FGGY: variants seen among roughly 807,000 people sequenced by gnomAD.
FGGY encodes FGGY carbohydrate kinase domain containing.
In FGGY, 72 loss-of-function variants were observed where a neutral mutation model predicts 71.3. The observed-to-expected ratio is 1.01, with a 90% CI of 0.84 to 1.23. The LOEUF (loss-of-function observed/expected upper bound fraction) is 1.23. FGGY is among the 50% of genes most tolerant of loss of function. The pLI, the probability that FGGY is intolerant of heterozygous loss-of-function variation, is 0.00. For missense variants in FGGY, 668 were observed against 682.3 expected (o/e 0.98, Z 0.23); for synonymous variants, 251 against 250.3 (o/e 1.00, Z -0.02).
chr1:59,692,237 C>G (rs1300967428), intron 14 of FGGY, among the ~76,000 whole-genome samples: 1 of 152,182 alleles, frequency 6.6e-6, no homozygotes, highest in Non-Finnish European at 1.5e-5. Context: ...CTCATTTCAC[C>G]TCTTTGTAAA....
chr1:59,551,283 C>T (rs757165368), intron 7 of FGGY, among the ~76,000 whole-genome samples: 62 of 152,226 alleles, frequency 4.1e-4, no homozygotes, highest in Non-Finnish European at 5.3e-4. Flanking sequence ...CACTAGTTCT[C>T]AGGTTCTAAG....
At chr1:59,424,129 T>C (rs994050555) in intron 5 of FGGY, among the ~76,000 whole-genome samples, 1 of 152,228 alleles carries the variant, frequency 6.6e-6, no homozygotes, top group African/African-American at 2.4e-5. Flanking sequence ...TAATAATCAA[T>C]GCATGAAGAT....
chr1:59,761,056 T>C (rs1416986281), intron 15 of FGGY, among the ~76,000 whole-genome samples: 2 of 152,340 alleles, frequency 1.3e-5, no homozygotes, highest in East Asian at 3.9e-4. Flanking sequence ...TATCACTTAT[T>C]ATGAGTCAGG....
chr1:59,647,657 G>A (rs1393656464), intron 11 of FGGY, among the ~76,000 whole-genome samples: 1 of 150,654 alleles, frequency 6.6e-6, no homozygotes, highest in Non-Finnish European at 1.5e-5. Context: ...TGAGGTCCCT[G>A]TTTCCATGTT....
chr1:59,629,306 T>C (rs2096887414), intron 10 of FGGY, among the ~76,000 whole-genome samples: 1 of 152,158 alleles, frequency 6.6e-6, no homozygotes, highest in African/African-American at 2.4e-5. Flanking sequence ...TCTAATAGGA[T>C]CAGCACACCT....
At chr1:59,480,330 G>A (rs948565982) in intron 6 of FGGY, among the ~76,000 whole-genome samples, 2 of 152,178 alleles carry the variant, frequency 1.3e-5, no homozygotes, top group South Asian at 2.1e-4. Flanking sequence ...TTCTGCACAC[G>A]ACACCCTTCT....
chr1:59,369,466 CT>C lies in FGGY; in HGVS notation c.466-9282del. Among the ~76,000 whole-genome samples the C allele has an allele frequency of 2.0e-5, 3 of 152,348 alleles. No homozygotes were observed. In the East Asian group the frequency reaches 5.8e-4, roughly 29 times the overall value. ...AAGGAGGCCTGCCTGCCTCTGTAGG[CT>C]CCACCTCTGGGGGCAGGGCACAGAC... On this transcript the variant is annotated intron_variant, in intron 4 of 15. Coordinates refer to ENST00000303721, the MANE Select transcript of FGGY (RefSeq NM_018291.5).
rs200737359 is a variant in FGGY at position 59,442,410 on chromosome 1, CTGTT to C, written c.555-14541_555-14538del. ...AAAACCTAATTTTAAGGCCATTTTC[CTGTT>C]TGTTTGTTTTTGTTTTTGTTTTTGT... On this transcript the variant is annotated intron_variant, in intron 5 of 15. Coordinates refer to ENST00000303721, the MANE Select transcript of FGGY (RefSeq NM_018291.5). Among the ~76,000 whole-genome samples the C allele has an allele frequency of 8.7e-3, 1,326 of 152,050 alleles. 9 individuals carry two copies. Among genetic ancestry groups the C allele is most frequent in the Non-Finnish European group, 0.012 (835 of 68,002 alleles).
At chr1:59,358,431 C>G (rs1317139560) in intron 4 of FGGY, among the ~76,000 whole-genome samples, 5 of 152,118 alleles carry the variant, frequency 3.3e-5, no homozygotes, top group Non-Finnish European at 5.9e-5. Context: ...CACCCTTTAT[C>G]TCAAGGAATT....
At chr1:59,653,239 T>C (rs1187921574) in intron 11 of FGGY, among the ~76,000 whole-genome samples, 1 of 152,268 alleles carries the variant, frequency 6.6e-6, no homozygotes, top group African/African-American at 2.4e-5. Flanking sequence ...AGGTGGAGCC[T>C]ACAGTGGCAG....
intron 2 of FGGY, among the ~76,000 whole-genome samples, chr1:59,338,642 C>T (rs1006306466): frequency 3.3e-5 from 5 of 151,814 alleles, no homozygotes; most frequent in Admixed American, 2.0e-4. Flanking sequence ...GACTTCACAC[C>T]GCCACACCCA....
chr1:59,565,699 T>A (rs2095863612), intron 8 of FGGY, among the ~76,000 whole-genome samples: 1 of 152,034 alleles, frequency 6.6e-6, no homozygotes, highest in African/African-American at 2.4e-5. Context: ...TAAACACACG[T>A]GTTTTGTGGG....
intron 8 of FGGY, among the ~76,000 whole-genome samples, chr1:59,588,201 A>G (rs1197184992): frequency 1.3e-5 from 2 of 152,216 alleles, no homozygotes; most frequent in Non-Finnish European, 2.9e-5. Context: ...TCAGGGATGG[A>G]AGATGAAGCG....
In FGGY at chr1:59,601,199, G is replaced by T. The variant is rs975656161; in HGVS notation, c.904-6604G>T. 9.2e-5 allele frequency among the ~76,000 whole-genome samples: 14 copies of T among 152,152 alleles called. No homozygotes were observed. In the East Asian group the frequency reaches 9.6e-4, roughly 10 times the overall value. Reference sequence around the variant, plus strand: ...AAAACCTCCTGTTCCCTCCCAGGACGACTGGCGCCTGGAGCCTGCCTTTTG... The same window carrying T: ...AAAACCTCCTGTTCCCTCCCAGGACTACTGGCGCCTGGAGCCTGCCTTTTG... On this transcript the variant is annotated intron_variant, in intron 8 of 15. Coordinates refer to ENST00000303721, the MANE Select transcript of FGGY (RefSeq NM_018291.5).
At chr1:59,617,102 A>G (rs1233414942) in intron 9 of FGGY, among the ~76,000 whole-genome samples, 1 of 152,136 alleles carries the variant, frequency 6.6e-6, no homozygotes, top group Non-Finnish European at 1.5e-5. Context: ...CCGCTTGCAT[A>G]TGCACATCTT....
At chr1:59,415,756 T>C (rs960829) in intron 5 of FGGY, among the ~76,000 whole-genome samples, 26,285 of 152,186 alleles carry the variant, frequency 0.17, 2,773 homozygotes, top group East Asian at 0.36. Flanking sequence ...GTGTCTAGCA[T>C]TGTCTTGTAA....
intron 4 of FGGY, among the ~76,000 whole-genome samples, chr1:59,369,538 C>T (rs895083706): frequency 6.6e-6 from 1 of 152,226 alleles, no homozygotes; most frequent in African/African-American, 2.4e-5. Context: ...ATGTCCCTCT[C>T]TGACAGCTTT....
intron 5 of FGGY, among the ~76,000 whole-genome samples, chr1:59,395,235 A>C (rs1379371009): frequency 6.6e-6 from 1 of 152,112 alleles, no homozygotes; most frequent in East Asian, 1.9e-4. Context: ...AGTGCATGAC[A>C]CGTGTTAGGT....
intron 14 of FGGY, among the ~76,000 whole-genome samples, chr1:59,754,035 C>T (rs183806061): frequency 4.0e-4 from 61 of 152,344 alleles, no homozygotes; most frequent in Admixed American, 1.0e-3. Context: ...CTGCCAGAAA[C>T]GAGACATAGC....
Sources: allele counts gnomAD v4.1 joint callset (sites outside exome capture counted in the v4.1 genomes callset), GRCh38; gene constraint gnomAD v4.1.1; transcripts MANE v1.5; gene names NCBI Gene and HGNC (gene_info 2026-07-23, HGNC 2026-07-21).